The following ADGRV1 variants were observed in gnomAD, a reference collection of about 807,000 sequenced individuals.
The protein encoded by ADGRV1 is G-protein coupled receptor 98.
Under a neutral mutation model 596.2 loss-of-function variants are expected in ADGRV1, and 359 were observed. The observed-to-expected ratio is 0.60, with a 90% CI of 0.55 to 0.66. The LOEUF (loss-of-function observed/expected upper bound fraction) is 0.66, where lower values mean the gene tolerates loss of function less well. ADGRV1 is among the 30% of genes least tolerant of loss of function. The pLI, the probability that ADGRV1 is intolerant of heterozygous loss-of-function variation, is 0.00. For synonymous variants in ADGRV1, 2,681 were observed against 2,679.2 expected (o/e 1.00, Z -0.02); for missense variants, 7,274 against 7,575.6 (o/e 0.96, Z 1.48).
intron 73 of ADGRV1, among the ~76,000 whole-genome samples, chr5:90,809,307 C>CACACACACACACACAG (rs1265364596): frequency 1.3e-5 from 2 of 151,642 alleles, no homozygotes; most frequent in Non-Finnish European, 2.9e-5. Flanking sequence ...CACACACACA[C>CACACACACACACACAG]ACACACACAC....
chr5:90,599,653 C>T (rs1257092365), intron 1 of ADGRV1, among the ~76,000 whole-genome samples: 4 of 151,820 alleles, frequency 2.6e-5, no homozygotes, highest in Non-Finnish European at 5.9e-5. Flanking sequence ...ACTAAGAAGC[C>T]AGAGAAGCCC....
intron 77 of ADGRV1, among the ~76,000 whole-genome samples, chr5:90,836,068 A>AAATCCATGACAATAC (rs1764941949): frequency 1.3e-5 from 2 of 152,222 alleles, no homozygotes; most frequent in Admixed American, 1.3e-4. Context: ...GGCTAAAATA[A>AAATCCATGACAATAC]AATCCATGAC....
At chr5:90,950,481 C>T (rs1776965750) in intron 83 of ADGRV1, among the ~76,000 whole-genome samples, 1 of 151,996 alleles carries the variant, frequency 6.6e-6, no homozygotes. Context: ...GTCACCATGC[C>T]CAGCTAATTT....
Position 90,810,707 on chromosome 5 carries a change from T to C in ADGRV1, c.15447T>C (p.Thr5149=). Residue 5149 remains threonine (T), a synonymous_variant, in exon 74 of 90, where the codon ACT becomes ACC. Coordinates refer to ENST00000405460, the MANE Select transcript of ADGRV1 (RefSeq NM_032119.4). ...CTGTGGCTGTAGCAGTTGACACAAC[T>C]CTCATTCCTGTAGAAACTGAATCCA... ...ETTVAVAVDT[T]LIPVETESTT... 1 of 1,613,752 alleles carries C rather than the reference T, an allele frequency of 6.2e-7. No homozygotes were observed. Among genetic ancestry groups the C allele is most frequent in the Non-Finnish European group, 8.5e-7 (1 of 1,179,830 alleles).
At chr5:91,155,263 G>A (rs1796384029) in intron 89 of ADGRV1, among the ~76,000 whole-genome samples, 1 of 152,200 alleles carries the variant, frequency 6.6e-6, no homozygotes, top group Non-Finnish European at 1.5e-5. Context: ...GGATGTATAG[G>A]TTTTGAACAA....
chr5:90,832,391 G>A (rs933323438), intron 77 of ADGRV1, among the ~76,000 whole-genome samples: 1 of 152,050 alleles, frequency 6.6e-6, no homozygotes, highest in Non-Finnish European at 1.5e-5. Context: ...TTTACCATTT[G>A]TATGTCTTCT....
Position 90,569,387 on chromosome 5 carries a change from A to AT in ADGRV1, c.22+10498dup, listed in dbSNP as rs869133714. Among the ~76,000 whole-genome samples the AT allele has an allele frequency of 1.2e-3, 20 of 16,376 alleles. 1 individual carries two copies. Among genetic ancestry groups the AT allele is most frequent in the Admixed American group, 6.1e-3 (4 of 652 alleles). 10.7% of individuals were successfully genotyped at this position (16,376 alleles called of 152,430 possible). A position where few individuals can be genotyped will look rare whatever the true frequency, so the allele number is the denominator to read the frequency against. ...TATATATATATATATATATATATAT[A>AT]TTTTTTTTTTTTTTTTTTTTTTTTT... On this transcript the variant is annotated intron_variant, in intron 1 of 89. Coordinates refer to ENST00000405460, the MANE Select transcript of ADGRV1 (RefSeq NM_032119.4).
At chr5:90,962,878 C>T (rs1012248634) in intron 83 of ADGRV1, among the ~76,000 whole-genome samples, 1 of 152,072 alleles carries the variant, frequency 6.6e-6, no homozygotes, top group Non-Finnish European at 1.5e-5. Flanking sequence ...GATGTTAAAA[C>T]TATTCTGAAA....
At chr5:90,779,124 A>T (rs201395583) in intron 64 of ADGRV1, 27 bp downstream of exon 64, 2 of 1,355,388 alleles carry the variant, frequency 1.5e-6, no homozygotes, top group African/African-American at 2.9e-5. Context: ...ATTAGGAAAA[A>T]GAAAGCAAAG....
intron 83 of ADGRV1, among the ~76,000 whole-genome samples, chr5:90,902,769 T>C (rs767103751): frequency 6.6e-6 from 1 of 152,160 alleles, no homozygotes; most frequent in Non-Finnish European, 1.5e-5. Context: ...GAATGGTATC[T>C]TTAGAACATC....
intron 75 of ADGRV1, among the ~76,000 whole-genome samples, chr5:90,816,983 C>CAT (rs1422073866): frequency 2.6e-5 from 4 of 151,996 alleles, no homozygotes; most frequent in Non-Finnish European, 2.9e-5. Context: ...TGAGGAATTG[C>CAT]CACACTGACT....
chr5:90,970,652 T>A (rs142191948), intron 84 of ADGRV1, among the ~76,000 whole-genome samples: 35,447 of 150,644 alleles, frequency 0.24, 4,465 homozygotes, highest in Non-Finnish European at 0.28. Context: ...GTCCTGACTG[T>A]TAGAAGGAAA....
chr5:90,629,504 G>A lies in ADGRV1; in HGVS notation c.1804G>A (p.Ala602Thr), dbSNP rs201015784. The change falls in exon 9 of 90, where the codon GCA becomes ACA. Residue 602 changes from alanine (A) to threonine (T), a missense_variant. By Grantham distance (58) the Ala-to-Thr change is moderately conservative (BLOSUM62 0). Around this residue, in one of 5 missense-constraint regions of ADGRV1, gnomAD observed 1,715 missense variants for 1,708.8 expected, o/e 1.00. Coordinates refer to ENST00000405460, the MANE Select transcript of ADGRV1 (RefSeq NM_032119.4). Reference protein sequence around the residue: ...VTTKLPIRNDAFLQNGAHFLV... With the variant: ...VTTKLPIRNDTFLQNGAHFLV... ...TACAAAATTACCAATAAGAAATGATGCATTCCTTCAAAATGGAGCTCACTT... is the reference window on the plus strand; with the variant it reads ...TACAAAATTACCAATAAGAAATGATACATTCCTTCAAAATGGAGCTCACTT... The A allele has an allele frequency of 1.2e-4, 200 of 1,612,348 alleles. 1 individual carries two copies. In the East Asian group the frequency reaches 4.4e-3, roughly 36 times the overall value.
chr5:90,644,766 T>A lies in ADGRV1; in HGVS notation c.2795T>A (p.Val932Asp). The change falls in exon 15 of 90, where the codon GTT (valine) becomes GAT (aspartate). Residue 932 changes from valine (V) to aspartate (D), a missense_variant. This residue lies in a region of ADGRV1 where 1,715 missense variants were observed against 1,708.8 expected (regional missense o/e 1.00). Transcript: ENST00000405460. ...GGTGATGTTAGTGTATCATGGGTGG[T>A]TAGTCCAGACTTTACACAAGATGTA... ...NFGDVSVSWV[V>D]SPDFTQDVFP... 6.2e-7 allele frequency: 1 copy of A among 1,611,890 alleles called. No individual in the cohort carries two copies.
At chr5:91,155,563 C>A (rs577100560) in intron 89 of ADGRV1, among the ~76,000 whole-genome samples, 1 of 152,322 alleles carries the variant, frequency 6.6e-6, no homozygotes, top group South Asian at 2.1e-4. Flanking sequence ...TGCAGAGATT[C>A]ACAATTCACA....
At chr5:91,130,756 T>A (rs956081720) in intron 87 of ADGRV1, among the ~76,000 whole-genome samples, 1 of 152,194 alleles carries the variant, frequency 6.6e-6, no homozygotes, top group Non-Finnish European at 1.5e-5. Flanking sequence ...GCCCTATAAG[T>A]AGTTTTTCAA....
At position 90,671,597 on chromosome 5, in the gene ADGRV1, C is replaced by T. The variant is rs565656208; in HGVS notation, c.4753-949C>T. Reference sequence around the variant, plus strand: ...TTTGTAGACAAATCCCAAATCTGTCCTCTCCAAAATGTCAGCACCAAAATG... The same window carrying T: ...TTTGTAGACAAATCCCAAATCTGTCTTCTCCAAAATGTCAGCACCAAAATG... On this transcript the variant is annotated intron_variant, in intron 21 of 89. Transcript: ENST00000405460. Among the ~76,000 whole-genome samples, 112 of 152,316 alleles carry T rather than the reference C, an allele frequency of 7.4e-4. 1 individual carries two copies. The highest frequency in any genetic ancestry group is 6.5e-3 in the Admixed American group (99 of 15,306).
chr5:91,045,237 AAAG>A (rs1291885260), intron 85 of ADGRV1, among the ~76,000 whole-genome samples: 1 of 152,192 alleles, frequency 6.6e-6, no homozygotes, highest in Non-Finnish European at 1.5e-5. Context: ...CATAACCAAA[AAAG>A]AAGACTACGG....
chr5:90,838,523 C>T (rs1765161869), intron 77 of ADGRV1, among the ~76,000 whole-genome samples: 1 of 152,166 alleles, frequency 6.6e-6, no homozygotes, highest in Non-Finnish European at 1.5e-5. Flanking sequence ...CTGATCCAGA[C>T]CCATGTATCT....
Sources: gnomAD v4.1 joint callset for allele counts (sites outside exome capture counted in the v4.1 genomes callset) on GRCh38, gnomAD v4.1.1 for gene constraint, gnomAD v4.1.1 regional missense constraint, MANE v1.5 for transcripts, NCBI Gene and HGNC (gene_info 2026-07-23, HGNC 2026-07-21) for gene names.